FBN1: variants seen among roughly 807,000 people sequenced by gnomAD.
The protein encoded by FBN1 is fibrillin 1, also known as fibrillin-1.
A neutral mutation model predicts 365.1 loss-of-function variants in FBN1; 29 were observed. The ratio of observed to expected loss-of-function variants is 0.08; its 90% CI spans 0.06 to 0.11. The LOEUF is 0.11. Among genes scored for constraint, FBN1 ranks in the 10% least tolerant of loss-of-function variants. The probability of loss-of-function intolerance (pLI) is 1.00; values close to 1 mark genes in which losing one functional copy is unlikely to be tolerated. For missense variants in FBN1, 2,476 were observed against 3,703.2 expected (o/e 0.67, Z 8.60); for synonymous variants, 1,210 against 1,270.5 (o/e 0.95, Z 1.01).
At chr15:48,486,246 G>T (rs775248477) in intron 29 of FBN1, among the ~76,000 whole-genome samples, 2 of 152,166 alleles carry the variant, frequency 1.3e-5, no homozygotes, top group Non-Finnish European at 2.9e-5. Flanking sequence ...ATTGGCTGAG[G>T]TTCCAATCTT....
Position 48,585,722 on chromosome 15 carries a change from G to A in FBN1, c.538+10561C>T, listed in dbSNP as rs184625990. On this transcript the variant is annotated intron_variant, in intron 6 of 65. Coordinates refer to ENST00000316623, the MANE Select transcript of FBN1 (RefSeq NM_000138.5). ...CTATGGGGAGTACCATAGTCTGACT[G>A]AAAGACTATACATAAACCTCTATTT... Among the ~76,000 whole-genome samples the A allele has an allele frequency of 2.7e-3, 409 of 152,312 alleles. 2 individuals carry two copies. The highest frequency in any genetic ancestry group is 9.5e-3 in the African/African-American group (395 of 41,580).
chr15:48,530,630 A>G (rs558504368), intron 8 of FBN1, among the ~76,000 whole-genome samples: 3 of 152,034 alleles, frequency 2.0e-5, no homozygotes, highest in African/African-American at 7.2e-5. Context: ...TAGGGCCTGC[A>G]AACAGCTGAA....
In FBN1 at chr15:48,418,960, G is replaced by T. The variant is rs75608306; in HGVS notation, c.7819+1727C>A. ...TATCTATCTGCAAGCTGAATTTTTT[G>T]AAATTTACTTCTAGAAAGCAATGAA... On this transcript the variant is annotated intron_variant, in intron 63 of 65. Transcript: ENST00000316623. Among the ~76,000 whole-genome samples, 1,487 of 152,188 alleles carry T rather than the reference G, an allele frequency of 9.8e-3. 11 individuals carry two copies. Among genetic ancestry groups the T allele is most frequent in the Non-Finnish European group, 0.011 (754 of 67,990 alleles).
intron 48 of FBN1, 118 bp from the exon 49 acceptor site, chr15:48,444,778 A>G: frequency 8.8e-7 from 1 of 1,131,438 alleles, no homozygotes. Flanking sequence ...ATTAAAGTTC[A>G]TAAAATTCCA....
intron 2 of FBN1, among the ~76,000 whole-genome samples, chr15:48,634,549 C>G (rs1277553010): frequency 6.6e-6 from 1 of 152,132 alleles, no homozygotes; most frequent in Non-Finnish European, 1.5e-5. Flanking sequence ...CCTCCTGCTT[C>G]CCTCAGGCTT....
chr15:48,524,107 G>A (rs927040086), intron 9 of FBN1, among the ~76,000 whole-genome samples: 2 of 152,152 alleles, frequency 1.3e-5, no homozygotes, highest in African/African-American at 4.8e-5. Flanking sequence ...ACATCTTTAT[G>A]ACTCCTAGGA....
intron 53 of FBN1, among the ~76,000 whole-genome samples, chr15:48,435,802 GTGTGTGTGTA>G (rs1261472714): frequency 1.7e-4 from 26 of 148,572 alleles, no homozygotes; most frequent in East Asian, 1.0e-3. Context: ...GTGTGTGTGT[GTGTGTGTGTA>G]TATATGCCTT....
intron 6 of FBN1, among the ~76,000 whole-genome samples, chr15:48,562,487 T>G (rs1034686883): frequency 6.6e-6 from 1 of 152,194 alleles, no homozygotes; most frequent in Non-Finnish European, 1.5e-5. Flanking sequence ...CTTTTGTGCA[T>G]GGGCATGAAC....
chr15:48,638,594 C>T (rs967158022), intron 2 of FBN1, among the ~76,000 whole-genome samples: 1 of 142,712 alleles, frequency 7.0e-6, no homozygotes, highest in Non-Finnish European at 1.5e-5. Context: ...TTGCAAAGTA[C>T]AATCATAAGT....
At chr15:48,622,142 A>G (rs1189199830) in intron 2 of FBN1, among the ~76,000 whole-genome samples, 1 of 152,240 alleles carries the variant, frequency 6.6e-6, no homozygotes, top group African/African-American at 2.4e-5. Flanking sequence ...TCTAAAGTGA[A>G]AAGTTTATTT....
At chr15:48,412,102 G>A (rs1279203053) in intron 65 of FBN1, among the ~76,000 whole-genome samples, 1 of 152,178 alleles carries the variant, frequency 6.6e-6, no homozygotes, top group African/African-American at 2.4e-5. Flanking sequence ...TGCAGCAGCC[G>A]TAGGCAAAGG....
At chr15:48,446,141 T>C (rs917539380) in intron 47 of FBN1, among the ~76,000 whole-genome samples, 2 of 152,186 alleles carry the variant, frequency 1.3e-5, no homozygotes, top group African/African-American at 4.8e-5. Context: ...ACATAAAAAT[T>C]ATAGCTGCTA....
chr15:48,436,716 TA>T (rs1346649209), intron 53 of FBN1, among the ~76,000 whole-genome samples: 1 of 152,170 alleles, frequency 6.6e-6, no homozygotes, highest in Non-Finnish European at 1.5e-5. Context: ...CCTTCACCAT[TA>T]GGCTGTAAGG....
chr15:48,476,087 C>A (rs1406414172), intron 32 of FBN1, among the ~76,000 whole-genome samples: 1 of 152,158 alleles, frequency 6.6e-6, no homozygotes, highest in African/African-American at 2.4e-5. Flanking sequence ...TTGAGCATGG[C>A]ACATTCCAAG....
At position 48,644,816 on chromosome 15, in the gene FBN1, G is replaced by T; in HGVS notation, c.-47C>A. Reference sequence around the variant, plus strand: ...CCCGCCGCCTCTTGCCGCGCCCGGGGCTCGGTCTGCGGCCGCCGCTGCGCC... The same window carrying T: ...CCCGCCGCCTCTTGCCGCGCCCGGGTCTCGGTCTGCGGCCGCCGCTGCGCC... On this transcript the variant is annotated 5_prime_UTR_variant, in exon 2 of 66. Coordinates refer to ENST00000316623, the MANE Select transcript of FBN1 (RefSeq NM_000138.5). The T allele has an allele frequency of 6.3e-7, 1 of 1,575,976 alleles. No individual in the cohort carries two copies. The highest frequency in any genetic ancestry group is 8.6e-7 in the Non-Finnish European group (1 of 1,165,912).
At chr15:48,614,878 A>G (rs1307001991) in intron 2 of FBN1, among the ~76,000 whole-genome samples, 1 of 152,200 alleles carries the variant, frequency 6.6e-6, no homozygotes, top group Non-Finnish European at 1.5e-5. Context: ...CAGGTTACTC[A>G]GCCAGTGGAA....
intron 61 of FBN1, 21 bp downstream of exon 61, chr15:48,421,931 A>AT (rs34327939): frequency 1.3e-6 from 2 of 1,544,432 alleles, no homozygotes; most frequent in Non-Finnish European, 1.8e-6. Context: ...TCCATGTAGG[A>AT]TTTTTTCCTC....
chr15:48,602,099 C>T (rs1438605802), intron 4 of FBN1, among the ~76,000 whole-genome samples: 1 of 152,162 alleles, frequency 6.6e-6, no homozygotes, highest in East Asian at 1.9e-4. Flanking sequence ...CTCTCTCTTA[C>T]CTGCCTCTTT....
In FBN1 at chr15:48,590,477, AAG is replaced by A. The variant is rs58526832; in HGVS notation, c.538+5804_538+5805del. On this transcript the variant is annotated intron_variant, in intron 6 of 65. Transcript: ENST00000316623. ...CAACTGCTTAATGTAGTATTTTTGA[AAG>A]TCATTCAATAAAATCATTAGAAAGA... Among the ~76,000 whole-genome samples, 1,151 of 152,308 alleles carry A rather than the reference AAG, an allele frequency of 7.6e-3. 13 individuals are homozygous for A. Among genetic ancestry groups the A allele is most frequent in the African/African-American group, 0.027 (1,106 of 41,554 alleles).
Sources: gnomAD v4.1 joint callset for allele counts (sites outside exome capture counted in the v4.1 genomes callset) on GRCh38, gnomAD v4.1.1 for gene constraint, MANE v1.5 for transcripts, NCBI Gene and HGNC (gene_info 2026-07-23, HGNC 2026-07-21) for gene names.